Variants in DCC observed in about 807,000 individuals in gnomAD.
DCC encodes the protein netrin receptor DCC.
DCC carries 58 observed loss-of-function variants against 172.5 expected under a neutral mutation model. That is an observed-to-expected ratio of 0.34 (90% CI 0.27 to 0.42). DCC has a LOEUF of 0.42. DCC is among the 10% of genes least tolerant of loss of function. DCC has a pLI of 1.00. For synonymous variants in DCC, 709 were observed against 644.5 expected (o/e 1.10, Z -1.52); for missense variants, 1,740 against 1,791.0 (o/e 0.97, Z 0.51).
At chr18:53,126,381 G>A (rs138918688) in intron 7 of DCC, among the ~76,000 whole-genome samples, 29 of 152,230 alleles carry the variant, frequency 1.9e-4, no homozygotes, top group African/African-American at 6.7e-4. Flanking sequence ...ATAGTCCACA[G>A]ATGATGCAAC....
intron 1 of DCC, among the ~76,000 whole-genome samples, chr18:52,732,345 A>G (rs2036655470): frequency 6.6e-6 from 1 of 152,220 alleles, no homozygotes; most frequent in African/African-American, 2.4e-5. Context: ...GAAAAAGTAA[A>G]GAATTCTAAA....
chr18:52,478,679 CACATA>C, intron 1 of DCC, among the ~76,000 whole-genome samples: 1 of 152,272 alleles, frequency 6.6e-6, no homozygotes, highest in Non-Finnish European at 1.5e-5. Context: ...GGGGAGCAGA[CACATA>C]ACATAGCCAC....
intron 1 of DCC, among the ~76,000 whole-genome samples, chr18:52,635,003 C>T (rs1281680607): frequency 6.6e-6 from 1 of 152,132 alleles, no homozygotes; most frequent in Non-Finnish European, 1.5e-5. Context: ...AAGATAGGGT[C>T]ATGAAAATTA....
intron 12 of DCC, among the ~76,000 whole-genome samples, chr18:53,304,459 G>C (rs1568042645): frequency 6.6e-6 from 1 of 152,056 alleles, no homozygotes; most frequent in Non-Finnish European, 1.5e-5. Context: ...CATTGCTCTA[G>C]GTATCATATG....
At chr18:53,424,944 C>A (rs1254929735) in intron 21 of DCC, among the ~76,000 whole-genome samples, 2 of 152,050 alleles carry the variant, frequency 1.3e-5, no homozygotes, top group African/African-American at 4.8e-5. Context: ...CTGCCTGCTC[C>A]CTTGTATCCC....
chr18:52,696,779 C>T (rs1377358474), intron 1 of DCC, among the ~76,000 whole-genome samples: 1 of 152,206 alleles, frequency 6.6e-6, no homozygotes, highest in Admixed American at 6.5e-5. Flanking sequence ...ACAATGACAA[C>T]ATCAAGTTAT....
intron 1 of DCC, among the ~76,000 whole-genome samples, chr18:52,683,317 G>A (rs78954436): frequency 0.024 from 3,701 of 152,134 alleles, 62 homozygotes; most frequent in Middle Eastern, 0.037. Context: ...ATCATATAAG[G>A]AGTGGGCAGT....
intron 12 of DCC, among the ~76,000 whole-genome samples, chr18:53,281,762 ATTTTT>A (rs754969859): frequency 3.5e-5 from 4 of 115,292 alleles, no homozygotes; most frequent in Admixed American, 8.9e-5. Flanking sequence ...TTAATGGGGG[ATTTTT>A]TTTTTTTTTT....
At chr18:52,807,118 G>A (rs556642164) in intron 2 of DCC, among the ~76,000 whole-genome samples, 10 of 152,230 alleles carry the variant, frequency 6.6e-5, no homozygotes, top group Middle Eastern at 3.4e-3. Context: ...TCGCTTGAGC[G>A]CGGGAGGTGG....
intron 1 of DCC, among the ~76,000 whole-genome samples, chr18:52,748,681 A>C (rs1279605232): frequency 6.6e-6 from 1 of 152,196 alleles, no homozygotes; most frequent in Non-Finnish European, 1.5e-5. Flanking sequence ...AATGGGTCCC[A>C]GGTTCTTGTC....
chr18:52,577,465 C>T (rs913404624), intron 1 of DCC, among the ~76,000 whole-genome samples: 8 of 152,156 alleles, frequency 5.3e-5, no homozygotes, highest in East Asian at 3.8e-4. Context: ...TCTGTGCTAA[C>T]GTTTGCAATA....
chr18:53,460,056 G>GAAAAAAA (rs55871112), intron 24 of DCC, among the ~76,000 whole-genome samples: 1 of 75,986 alleles, frequency 1.3e-5, no homozygotes, highest in Non-Finnish European at 2.6e-5. Flanking sequence ...AAAGGGATCT[G>GAAAAAAA]AAAAAAAAAA....
chr18:52,630,416 T>C (rs2034653077), intron 1 of DCC, among the ~76,000 whole-genome samples: 1 of 152,252 alleles, frequency 6.6e-6, no homozygotes, highest in Admixed American at 6.5e-5. Flanking sequence ...CTTAAGCATC[T>C]GACTTCATTT....
chr18:52,343,187 A>C (rs904413586), intron 1 of DCC, among the ~76,000 whole-genome samples: 19 of 152,242 alleles, frequency 1.2e-4, no homozygotes, highest in African/African-American at 4.6e-4. Flanking sequence ...TTTGCTCATT[A>C]ATCTGAGTAT....
chr18:53,529,034 TCTCTCACACACACACACACACACACACA>T (rs1320115328), intron 28 of DCC, among the ~76,000 whole-genome samples: 1 of 64,382 alleles, frequency 1.6e-5, no homozygotes, highest in Non-Finnish European at 3.0e-5. Flanking sequence ...TCTCTCTCTC[TCTCTCACACACACACACACACACACACA>T]CACACACACA....
intron 5 of DCC, among the ~76,000 whole-genome samples, chr18:53,022,551 G>A (rs1308692651): frequency 6.6e-6 from 1 of 151,640 alleles, no homozygotes; most frequent in Non-Finnish European, 1.5e-5. Flanking sequence ...GTGCGTGTGT[G>A]TGTGTGTGTG....
intron 24 of DCC, among the ~76,000 whole-genome samples, chr18:53,466,883 A>G (rs1245737747): frequency 6.6e-6 from 1 of 152,196 alleles, no homozygotes; most frequent in African/African-American, 2.4e-5. Context: ...GGATGTGTGG[A>G]CAGAGTTAGA....
chr18:53,233,671 G>A (rs575336399), intron 12 of DCC, among the ~76,000 whole-genome samples: 1 of 152,238 alleles, frequency 6.6e-6, no homozygotes, highest in African/African-American at 2.4e-5. Context: ...AGTTACCTTT[G>A]TGAATAATTC....
At chr18:53,399,287 G>T (rs1909152950) in intron 18 of DCC, among the ~76,000 whole-genome samples, 1 of 152,024 alleles carries the variant, frequency 6.6e-6, no homozygotes, top group African/African-American at 2.4e-5. Flanking sequence ...TTCCTTGTAT[G>T]TAGATTCAGT....
Sources: gnomAD v4.1 joint callset for allele counts (sites outside exome capture counted in the v4.1 genomes callset) on GRCh38, gnomAD v4.1.1 for gene constraint, MANE v1.5 for transcripts, NCBI Gene and HGNC (gene_info 2026-07-23, HGNC 2026-07-21) for gene names.